DGAT2L6: variants seen among roughly 807,000 people sequenced by gnomAD.
The protein encoded by DGAT2L6 is diacylglycerol O-acyltransferase 2-like protein 6.
A neutral mutation model predicts 25.5 loss-of-function variants in DGAT2L6; 22 were observed. The observed-to-expected ratio is 0.86, with a 90% CI of 0.62 to 1.23. The LOEUF (loss-of-function observed/expected upper bound fraction) is 1.23. Among genes scored for constraint, DGAT2L6 ranks in the 50% most tolerant of loss-of-function variants. The pLI, the probability that DGAT2L6 is intolerant of heterozygous loss-of-function variation, is 0.00. For synonymous variants in DGAT2L6, 100 were observed against 94.7 expected, an observed-to-expected ratio of 1.06 and a Z score of -0.32; for missense variants, 287 against 253.2, an observed-to-expected ratio of 1.13 and a Z score of -0.91.
chrX:70,204,623 A>G (rs1229838195), intron 6 of DGAT2L6, 107 bp downstream of exon 6: 6 of 938,570 alleles, frequency 6.4e-6, no homozygotes, highest in Non-Finnish European at 4.4e-6. Context: ...GGGATGGGCA[A>G]TGGGTGTGGT....
chrX:70,191,019 G>T (rs1287341521), intron 1 of DGAT2L6, among the ~76,000 whole-genome samples: 1 of 112,309 alleles, frequency 8.9e-6, no homozygotes, highest in East Asian at 2.8e-4. Flanking sequence ...TGACCTAGCA[G>T]AAGCCCCCCC....
intron 1 of DGAT2L6, among the ~76,000 whole-genome samples, chrX:70,193,902 A>G (rs1339722679): frequency 8.9e-6 from 1 of 112,127 alleles, no homozygotes; most frequent in African/African-American, 3.2e-5. Context: ...ACCAAGAGCA[A>G]TTACACAAGA....
chrX:70,190,976 G>A (rs756346013), intron 1 of DGAT2L6, among the ~76,000 whole-genome samples: 1 of 111,952 alleles, frequency 8.9e-6, no homozygotes, highest in African/African-American at 3.2e-5. Flanking sequence ...CCACAGTCCC[G>A]GGCCTGTCCT....
chrX:70,202,861 C>T (rs1469405250), intron 5 of DGAT2L6, among the ~76,000 whole-genome samples: 1 of 111,802 alleles, frequency 8.9e-6, no homozygotes, highest in Admixed American at 9.5e-5. Flanking sequence ...GAGTAAAAGC[C>T]AAAGTCTTTA....
intron 3 of DGAT2L6, among the ~76,000 whole-genome samples, 155 bp from the exon 4 acceptor site, chrX:70,200,100 G>T (rs1052815940): frequency 9.0e-6 from 1 of 111,689 alleles, no homozygotes; most frequent in African/African-American, 3.3e-5. Context: ...TCTGACCATC[G>T]TGAGCCCTGG....
rs192693707 is a variant in DGAT2L6, at chrX:70,200,996, G to A, written c.472+537G>A. ...ATAAAATACTAAGGGATAAAGGATA[G>A]GAGTTCATCAGAGTATCCAGAACAA... On this transcript the variant is annotated intron_variant, in intron 4 of 6. Transcript: ENST00000333026. Among the ~76,000 whole-genome samples the A allele has an allele frequency of 5.8e-3, 652 of 112,271 alleles. 2 individuals carry two copies. Among genetic ancestry groups the A allele is most frequent in the African/African-American group, 0.02 (607 of 30,895 alleles).
intron 1 of DGAT2L6, among the ~76,000 whole-genome samples, chrX:70,184,520 A>C (rs1291147893): frequency 1.2e-4 from 13 of 109,032 alleles, no homozygotes; most frequent in Non-Finnish European, 2.3e-4. Flanking sequence ...GCTGGAGTGC[A>C]GTGGTATGAT....
chrX:70,195,464 T>TCACACACACACA lies in DGAT2L6; in HGVS notation c.86-3795_86-3784dup, dbSNP rs1256082724. On this transcript the variant is annotated intron_variant, in intron 1 of 6. Coordinates refer to ENST00000333026, the MANE Select transcript of DGAT2L6 (RefSeq NM_198512.3). Reference sequence around the variant, plus strand: ...GGCAGATGAATGAATAAAGAAAGTGTCACACACACACACACACACACACGA... The same window carrying TCACACACACACA: ...GGCAGATGAATGAATAAAGAAAGTGTCACACACACACACACACACACACACACACACACACGA... Among the ~76,000 whole-genome samples the TCACACACACACA allele has an allele frequency of 4.5e-4, 47 of 103,608 alleles. No individual in the cohort carries two copies. In the South Asian group the frequency reaches 5.6e-3, roughly 12 times the overall value. 90.0% of individuals were successfully genotyped at this position (103,608 alleles called of 115,157 possible).
intron 1 of DGAT2L6, among the ~76,000 whole-genome samples, chrX:70,179,089 T>C (rs1602685875): frequency 8.9e-6 from 1 of 112,140 alleles, no homozygotes; most frequent in East Asian, 2.8e-4. Flanking sequence ...TTTTATTTTG[T>C]GCATTTAAAC....
intron 5 of DGAT2L6, among the ~76,000 whole-genome samples, chrX:70,203,052 C>T (rs2085416445): frequency 8.9e-6 from 1 of 112,097 alleles, no homozygotes; most frequent in Non-Finnish European, 1.9e-5. Flanking sequence ...AACACTATTC[C>T]TCCAAATGAC....
At chrX:70,184,471 T>A (rs1295016828) in intron 1 of DGAT2L6, among the ~76,000 whole-genome samples, 1 of 109,377 alleles carries the variant, frequency 9.1e-6, no homozygotes, top group Non-Finnish European at 1.9e-5. Context: ...TCTTTCTTTT[T>A]TTTTGGAGAC....
chrX:70,200,645 G>T (rs1260829978), intron 4 of DGAT2L6, among the ~76,000 whole-genome samples, 186 bp downstream of exon 4: 1 of 111,445 alleles, frequency 9.0e-6, no homozygotes, highest in Non-Finnish European at 1.9e-5. Flanking sequence ...AGCAGGGTTT[G>T]ATTGGGCAGC....
At chrX:70,190,027 G>A (rs1312260943) in intron 1 of DGAT2L6, among the ~76,000 whole-genome samples, 2 of 111,978 alleles carry the variant, frequency 1.8e-5, no homozygotes, top group South Asian at 7.4e-4. Context: ...TATACCATCT[G>A]ATTTTGAGAC....
chrX:70,197,837 CA>C (rs745810473), intron 1 of DGAT2L6, among the ~76,000 whole-genome samples: 19 of 112,146 alleles, frequency 1.7e-4, no homozygotes, highest in Non-Finnish European at 1.9e-4. Flanking sequence ...GCATAGATAG[CA>C]AGGCTTTTTC....
At chrX:70,203,738 A>G (rs748282743) in intron 5 of DGAT2L6, among the ~76,000 whole-genome samples, 2 of 111,113 alleles carry the variant, frequency 1.8e-5, no homozygotes, top group African/African-American at 3.3e-5. Flanking sequence ...GAAGTGGTCA[A>G]ACAAAGTTGC....
intron 1 of DGAT2L6, among the ~76,000 whole-genome samples, chrX:70,187,376 G>GA (rs113628805): frequency 0.11 from 11,540 of 109,678 alleles, 1,111 homozygotes; most frequent in African/African-American, 0.29. Context: ...TGAAGGAGCT[G>GA]AAAAAAATAG....
chrX:70,205,289 A>G lies in DGAT2L6; in HGVS notation c.*183A>G. 1.9e-6 allele frequency: 1 copy of G among 520,949 alleles called. No homozygotes were observed. The highest frequency in any genetic ancestry group is 4.5e-5 in the East Asian group (1 of 22,075). 42.9% of individuals were successfully genotyped at this position (520,949 alleles called of 1,213,427 possible). On this transcript the variant is annotated 3_prime_UTR_variant, in exon 7 of 7. Transcript: ENST00000333026. ...GAGTCCTCTCCCAAGTGGCTGAGGC[A>G]GGCTTAGGGGAAAGAACCAGAGGGG... is the stretch of plus-strand genomic sequence containing the variant.
intron 1 of DGAT2L6, among the ~76,000 whole-genome samples, chrX:70,178,339 T>G (rs1199512): frequency 0.12 from 12,879 of 110,212 alleles, 1,169 homozygotes; most frequent in African/African-American, 0.31. Context: ...GAGTGACATC[T>G]CAGACAGAAT....
chrX:70,201,871 T>C lies in DGAT2L6; in HGVS notation c.473-19T>C. ...TCAGGAATGAAGTTTTTCTACCACT[T>C]GACTCTTTGGTTTCACAGGTGTGTG... On this transcript the variant is annotated intron_variant, in intron 4 of 6. Transcript: ENST00000333026. The C allele has an allele frequency of 8.7e-7, 1 of 1,149,159 alleles. No individual in the cohort carries two copies. Among genetic ancestry groups the C allele is most frequent in the African/African-American group, 1.8e-5 (1 of 54,709 alleles). 94.7% of individuals were successfully genotyped at this position (1,149,159 alleles called of 1,213,427 possible).
Sources: allele counts gnomAD v4.1 joint callset (sites outside exome capture counted in the v4.1 genomes callset), GRCh38; gene constraint gnomAD v4.1.1; transcripts MANE v1.5; gene names NCBI Gene and HGNC (gene_info 2026-07-23, HGNC 2026-07-21).